RGS11: variants seen among roughly 807,000 people sequenced by gnomAD.
RGS11 encodes the protein regulator of G protein signaling 11, also known as regulator of G-protein signaling 11.
In RGS11, 86 loss-of-function variants were observed where a neutral mutation model predicts 71.1. The ratio of observed to expected loss-of-function variants is 1.21; its 90% CI spans 1.02 to 1.45. RGS11 has a LOEUF of 1.45. Among genes scored for constraint, RGS11 ranks in the 40% most tolerant of loss-of-function variants. The pLI is 0.00. For missense variants in RGS11, 734 were observed against 635.1 expected, an observed-to-expected ratio of 1.16 and a Z score of -1.67; for synonymous variants, 298 against 254.2, an observed-to-expected ratio of 1.17 and a Z score of -1.64.
At chr16:273,634 G>A (rs1000734465) in intron 7 of RGS11, 78 bp from the exon 8 acceptor site, 4 of 1,498,162 alleles carry the variant, frequency 2.7e-6, no homozygotes, top group African/African-American at 1.4e-5. Context: ...CCTGGACCTG[G>A]GCAGGCAGCC....
Position 274,065 on chromosome 16 carries a change from C to T in RGS11, c.407G>A (p.Gly136Glu), listed in dbSNP as rs753858525. The change falls in exon 6 of 17, where the codon GGG becomes GAG. Residue 136 changes from glycine (G) to glutamate (E), a missense_variant. Coordinates refer to ENST00000397770, the MANE Select transcript of RGS11 (RefSeq NM_183337.3). ...CACCTTCTCATAATCCACCAGGGTCCCCCGTTTTCGGATGTTCTTCTTGGC... is the reference window on the plus strand; with the variant it reads ...CACCTTCTCATAATCCACCAGGGTCTCCCGTTTTCGGATGTTCTTCTTGGC... ...YLAKKNIRKR[G>E]TLVDYEKDCY... The T allele has an allele frequency of 3.0e-5, 47 of 1,550,912 alleles. No homozygotes were observed. The highest frequency in any genetic ancestry group is 3.7e-5 in the Non-Finnish European group (43 of 1,147,152).
Position 273,370 on chromosome 16 carries a change from G to T in RGS11, c.588+105C>A, listed in dbSNP as rs1201337034. ...GCCCCCACCAGGAGCTCCAAGGCAGGTCCTTCCACAGGCTCAAAATGGTGG... is the reference window on the plus strand; with the variant it reads ...GCCCCCACCAGGAGCTCCAAGGCAGTTCCTTCCACAGGCTCAAAATGGTGG... On this transcript the variant is annotated intron_variant, in intron 8 of 16. Transcript: ENST00000397770. The T allele has an allele frequency of 1.7e-5, 15 of 866,412 alleles. 1 individual carries two copies. The highest frequency in any genetic ancestry group is 1.8e-6 in the Non-Finnish European group (1 of 569,652). The allele number at this position is 866,412 out of a possible 1,614,324, so 53.7% of individuals were successfully genotyped here. A position where few individuals can be genotyped will look rare whatever the true frequency, so the allele number is the denominator to read the frequency against.
chr16:273,605 C>G (rs776237830), intron 7 of RGS11, 49 bp from the exon 8 acceptor site: 1 of 1,519,380 alleles, frequency 6.6e-7, no homozygotes, highest in South Asian at 1.2e-5. Context: ...ACAGCAGCCC[C>G]TCCGCCCCCA....
At position 270,620 on chromosome 16, in the gene RGS11, TCGATGTTGACCCAGTGGGCAGCTC is replaced by T. The variant is rs761608140; in HGVS notation, c.1085_1108del (p.Gly362_Ile369del). On this transcript the variant is annotated inframe_deletion, in exon 15 of 17. Coordinates refer to ENST00000397770, the MANE Select transcript of RGS11 (RefSeq NM_183337.3). ...CAGGGTCTGCTCCATGGTCCGGCTG[TCGATGTTGACCCAGTGGGCAGCTC>T]CGGGGGCCAGGAACTGCCTAGGGGT... The T allele has an allele frequency of 1.2e-6, 2 of 1,608,636 alleles. No homozygotes were observed. Among genetic ancestry groups the T allele is most frequent in the South Asian group, 2.2e-5 (2 of 90,228 alleles).
chr16:271,457 C>T lies in RGS11; in HGVS notation c.691G>A (p.Glu231Lys), dbSNP rs373018297. ...CTGCCCAGCGCTTTCCTGAAGTACT[C>T]GATCTAGGATGTGGGGCCTGTGAGT... ...KSADFHKREI[E>K]YFRKALGRTR... The change falls in exon 11 of 17, where the codon GAG (glutamate) becomes AAG (lysine). Residue 231 changes from glutamate to lysine, a missense_variant. By Grantham distance (56) the Glu-to-Lys change is moderately conservative. Coordinates refer to ENST00000397770, the MANE Select transcript of RGS11 (RefSeq NM_183337.3). The T allele has an allele frequency of 2.2e-5, 36 of 1,613,796 alleles. No homozygotes were observed. The highest frequency in any genetic ancestry group is 1.5e-4 in the African/African-American group (11 of 74,926).
chr16:274,791 C>A (rs936072741), intron 4 of RGS11, 185 bp downstream of exon 4: 1 of 829,650 alleles, frequency 1.2e-6, no homozygotes, highest in Admixed American at 2.0e-5. Flanking sequence ...GTCCTTCTCA[C>A]CACATCCGTA....
At position 268,843 on chromosome 16, in the gene RGS11, G is replaced by C. The variant is rs370212981; in HGVS notation, c.*426C>G. On this transcript the variant is annotated 3_prime_UTR_variant, in exon 17 of 17. Coordinates refer to ENST00000397770, the MANE Select transcript of RGS11 (RefSeq NM_183337.3). ...AGCTCGCGCCGAGACCTGCATGTCC[G>C]CGTCTTGTGACGGGTGTGTGGGAAG... 1 of 1,550,440 alleles carries C rather than the reference G, an allele frequency of 6.4e-7. No homozygotes were observed. Among genetic ancestry groups the C allele is most frequent in the Non-Finnish European group, 8.7e-7 (1 of 1,146,970 alleles).
rs75969920 is a variant in RGS11, at chr16:275,410, G to A, written c.152C>T (p.Ala51Val). 1 of 1,606,020 alleles carries A rather than the reference G, an allele frequency of 6.2e-7. No individual in the cohort carries two copies. The highest frequency in any genetic ancestry group is 1.1e-5 in the South Asian group (1 of 90,978). The change falls in exon 2 of 17, where the codon GCG becomes GTG. Residue 51 changes from alanine (A) to valine (V), a missense_variant. Ala to Val is a moderately conservative substitution (Grantham distance 64). Coordinates refer to ENST00000397770, the MANE Select transcript of RGS11 (RefSeq NM_183337.3). ...QRLLVTVIPH[A>V]VTGSDVVQWL... ...GCCCCGGCGCGCCTCACCTGTCACC[G>A]CGTGGGGAATGACGGTGACCAGCAG...
chr16:274,611 C>A (rs138914737), intron 4 of RGS11: 30 of 610,910 alleles, frequency 4.9e-5, no homozygotes, highest in African/African-American at 4.9e-4. Context: ...GGCCCGGGAC[C>A]CTGATGTGGT....
rs2051772205 is a variant in RGS11, at chr16:268,498, G to T, written c.*771C>A. On this transcript the variant is annotated 3_prime_UTR_variant, in exon 17 of 17. Transcript: ENST00000397770. Reference sequence around the variant, plus strand: ...GACTGGTGAGGCACTTGGGGGATGGGGAGCAAGGCCAGCTCACGAAGGAAG... The same window carrying T: ...GACTGGTGAGGCACTTGGGGGATGGTGAGCAAGGCCAGCTCACGAAGGAAG... 1 of 528,192 alleles carries T rather than the reference G, an allele frequency of 1.9e-6. No individual in the cohort carries two copies. The highest frequency in any genetic ancestry group is 3.4e-6 in the Non-Finnish European group (1 of 291,540). 32.7% of individuals were successfully genotyped at this position (528,192 alleles called of 1,614,324 possible).
At position 271,087 on chromosome 16, in the gene RGS11, G is replaced by C. The variant is rs761305917; in HGVS notation, c.876C>G (p.Pro292=). ...WVMNAPTVAA[P]TKLRVERWGF... is the part of the protein sequence containing the mutation. The stretch of plus-strand genomic sequence containing the variant: ...CCCATCTCTCCACACGGAGCTTCGT[G>C]GGGGCAGCCACCCTGGGGAGAGGGC... The change falls in exon 13 of 17, where the codon CCC becomes CCG. Residue 292 remains proline, a synonymous_variant. Coordinates refer to ENST00000397770, the MANE Select transcript of RGS11 (RefSeq NM_183337.3). 1.9e-6 allele frequency: 3 copies of C among 1,611,996 alleles called. No homozygotes were observed. The highest frequency in any genetic ancestry group is 2.2e-5 in the South Asian group (2 of 91,008).
intron 4 of RGS11, chr16:274,765 T>G (rs1027649932): frequency 2.7e-6 from 2 of 734,606 alleles, no homozygotes; most frequent in Non-Finnish European, 4.8e-6. Context: ...AAACTGAGGC[T>G]CCATCCCTCA....
chr16:274,300 C>CTGCGTCTG (rs1475758837), intron 4 of RGS11, 35 bp from the exon 5 acceptor site: 2 of 1,591,162 alleles, frequency 1.3e-6, no homozygotes, highest in African/African-American at 2.7e-5. Context: ...TCCAGGACGC[C>CTGCGTCTG]TGCGTCTGTG....
intron 7 of RGS11, 32 bp from the exon 8 acceptor site, chr16:273,588 C>A: frequency 6.5e-7 from 1 of 1,545,554 alleles, no homozygotes; most frequent in Non-Finnish European, 8.8e-7. Context: ...GAGGGCACGC[C>A]CTGCACACAG....
intron 9 of RGS11, chr16:272,541 C>T (rs976117365): frequency 3.2e-5 from 45 of 1,423,100 alleles, no homozygotes; most frequent in Non-Finnish European, 4.1e-5. Flanking sequence ...GAGGCCGTAA[C>T]CCTGCTTGTC....
Position 273,851 on chromosome 16 carries a change from G to T in RGS11, c.430-15C>A. ...TCATAGCAGTCCTGGGGGCAGCGAG[G>T]TTTCCAGTGGGTCACCCCGGCCCCT... On this transcript the variant is annotated splice_polypyrimidine_tract_variant and intron_variant, in intron 6 of 16. Coordinates refer to ENST00000397770, the MANE Select transcript of RGS11 (RefSeq NM_183337.3). 1 of 1,612,322 alleles carries T rather than the reference G, an allele frequency of 6.2e-7. No homozygotes were observed. Among genetic ancestry groups the T allele is most frequent in the Admixed American group, 1.7e-5 (1 of 60,024 alleles).
chr16:275,475 C>A lies in RGS11; in HGVS notation c.87G>T (p.Met29Ile). ...TCTTCACGCCCTGGTCGGGGTCCTG[C>A]ATGCTCACGACCACCCGCTCCATCT... is the stretch of plus-strand genomic sequence containing the variant. ...LRKMERVVVS[M>I]QDPDQGVKMR... is the part of the protein sequence containing the mutation. Residue 29 changes from methionine (M) to isoleucine (I), a missense_variant, in exon 2 of 17, where the codon ATG (methionine) becomes ATT (isoleucine). By Grantham distance (10) the Met-to-Ile change is conservative. Transcript: ENST00000397770. The A allele has an allele frequency of 6.3e-7, 1 of 1,585,664 alleles. No homozygotes were observed. Among genetic ancestry groups the A allele is most frequent in the Non-Finnish European group, 8.5e-7 (1 of 1,173,744 alleles).
At position 272,123 on chromosome 16, in the gene RGS11, A is replaced by G. The variant is rs578088964; in HGVS notation, c.658-554T>C. 2.7e-5 allele frequency: 30 copies of G among 1,131,936 alleles called. No individual in the cohort carries two copies. The East Asian group carries it at 1.6e-3, about 62-fold the overall frequency. The allele number at this position is 1,131,936 out of a possible 1,614,324, so 70.1% of individuals were successfully genotyped here. A position where few individuals can be genotyped will look rare whatever the true frequency, so the allele number is the denominator to read the frequency against. ...AGTGCTGGGATTAGAGACGTGAGCC[A>G]CCGCGCCCGGCCTAATATGTCACAT... On this transcript the variant is annotated intron_variant, in intron 9 of 16. Coordinates refer to ENST00000397770, the MANE Select transcript of RGS11 (RefSeq NM_183337.3).
rs766739453 is a variant in RGS11, at chr16:270,531, T to C, written c.1198A>G (p.Met400Val). 1.9e-6 allele frequency: 3 copies of C among 1,605,154 alleles called. No homozygotes were observed. The highest frequency in any genetic ancestry group is 2.6e-6 in the Non-Finnish European group (3 of 1,175,816). ...GCTGGCCCAGCACCCACCTTCTTCATGAGCATGTATATGTGCAGCTGGGCG... is the reference window on the plus strand; with the variant it reads ...GCTGGCCCAGCACCCACCTTCTTCACGAGCATGTATATGTGCAGCTGGGCG... ...DDAQLHIYML[M>V]KKDSYPRFLK... Residue 400 changes from methionine (M) to valine (V), a missense_variant, in exon 15 of 17, where the codon ATG becomes GTG. Coordinates refer to ENST00000397770, the MANE Select transcript of RGS11 (RefSeq NM_183337.3).
Sources: allele counts gnomAD v4.1 joint callset, GRCh38; gene constraint gnomAD v4.1.1; transcripts MANE v1.5; gene names NCBI Gene and HGNC (gene_info 2026-07-23, HGNC 2026-07-21).